The following GRIK4 variants were observed in gnomAD, a reference collection of about 807,000 sequenced individuals.
The protein encoded by GRIK4 is glutamate receptor ionotropic, kainate 4.
Under a neutral mutation model 104.9 loss-of-function variants are expected in GRIK4, and 40 were observed. The ratio of observed to expected loss-of-function variants is 0.38; its 90% CI spans 0.30 to 0.50. The LOEUF (loss-of-function observed/expected upper bound fraction) is 0.50, where lower values mean the gene tolerates loss of function less well. Ranked by LOEUF, GRIK4 falls within the 20% of genes least tolerant of loss-of-function variation. The pLI is 0.93. For synonymous variants in GRIK4, 485 were observed against 524.9 expected (o/e 0.92, Z 1.04); for missense variants, 1,047 against 1,308.1 (o/e 0.80, Z 3.08).
At chr11:120,910,269 A>G (rs1224879314) in intron 13 of GRIK4, among the ~76,000 whole-genome samples, 1 of 152,212 alleles carries the variant, frequency 6.6e-6, no homozygotes, top group Non-Finnish European at 1.5e-5. Flanking sequence ...ACGGCCGTGT[A>G]TTCATTGTGG....
intron 11 of GRIK4, among the ~76,000 whole-genome samples, chr11:120,897,399 C>G (rs542469772): frequency 3.1e-4 from 47 of 151,234 alleles, no homozygotes; most frequent in African/African-American, 1.1e-3. Context: ...CTTTGGGAGG[C>G]CGAGGTGGGT....
intron 1 of GRIK4, among the ~76,000 whole-genome samples, chr11:120,545,993 G>A (rs1438391086): frequency 6.6e-6 from 1 of 152,132 alleles, no homozygotes; most frequent in Non-Finnish European, 1.5e-5. Context: ...TCTGCTTTGT[G>A]GGTTGGTGCC....
chr11:120,845,912 C>T (rs1953840871), intron 8 of GRIK4, among the ~76,000 whole-genome samples: 1 of 152,168 alleles, frequency 6.6e-6, no homozygotes, highest in African/African-American at 2.4e-5. Flanking sequence ...TCTGAGCTGC[C>T]AAGGTACCAC....
intron 13 of GRIK4, among the ~76,000 whole-genome samples, chr11:120,912,289 A>G (rs1354549697): frequency 6.6e-6 from 1 of 152,152 alleles, no homozygotes; most frequent in Non-Finnish European, 1.5e-5. Flanking sequence ...CCTTTTGGAT[A>G]TCTACTTAGA....
In GRIK4 at chr11:120,905,838, C is replaced by G. The variant is rs1942857090; in HGVS notation, c.1476+345C>G. 6.6e-6 allele frequency among the ~76,000 whole-genome samples: 1 copy of G among 152,152 alleles called. No homozygotes were observed. The highest frequency in any genetic ancestry group is 6.5e-5 in the Admixed American group (1 of 15,280). On this transcript the variant is annotated intron_variant, in intron 13 of 20. Coordinates refer to ENST00000527524, the MANE Select transcript of GRIK4 (RefSeq NM_014619.5). The surrounding 1 kb of genome is among the most constrained non-coding windows in gnomAD (Gnocchi z 5.1). ...GGCTCATTAGCACTCCCTAGCAGAG[C>G]TTGAACAGGTCCTGGGAGAAGAGAA...
At chr11:120,600,964 A>C (rs935352828) in intron 1 of GRIK4, among the ~76,000 whole-genome samples, 7 of 152,082 alleles carry the variant, frequency 4.6e-5, no homozygotes, top group Non-Finnish European at 5.9e-5. Flanking sequence ...GCTGAGTGGG[A>C]GGATCACTTG....
At chr11:120,818,610 C>G (rs1312681862) in intron 5 of GRIK4, among the ~76,000 whole-genome samples, 1 of 152,230 alleles carries the variant, frequency 6.6e-6, no homozygotes, top group African/African-American at 2.4e-5. Context: ...ACCTCAGTCT[C>G]AGAGGAGCTC....
chr11:120,535,372 G>C (rs1947963825), intron 1 of GRIK4, among the ~76,000 whole-genome samples: 1 of 151,810 alleles, frequency 6.6e-6, no homozygotes, highest in Non-Finnish European at 1.5e-5. Flanking sequence ...GAGTGTGAAG[G>C]GGGAGGTAAG....
intron 4 of GRIK4, among the ~76,000 whole-genome samples, chr11:120,815,023 C>G (rs567999817): frequency 9.2e-5 from 14 of 152,356 alleles, no homozygotes; most frequent in South Asian, 6.2e-4. Flanking sequence ...CCCCTACCCC[C>G]CTGCAGGCCA....
At chr11:120,810,460 G>A (rs1429055482) in intron 4 of GRIK4, among the ~76,000 whole-genome samples, 2 of 152,192 alleles carry the variant, frequency 1.3e-5, no homozygotes, top group Non-Finnish European at 2.9e-5. Context: ...AATATAGGGA[G>A]GGAGAGATGC....
chr11:120,690,159 C>T (rs1341186981), intron 3 of GRIK4, among the ~76,000 whole-genome samples: 1 of 152,158 alleles, frequency 6.6e-6, no homozygotes, highest in Non-Finnish European at 1.5e-5. Context: ...CTGCTCCCCT[C>T]GTCACTCCAG....
At chr11:120,708,016 G>A (rs1490314627) in intron 3 of GRIK4, among the ~76,000 whole-genome samples, 1 of 152,096 alleles carries the variant, frequency 6.6e-6, no homozygotes, top group Non-Finnish European at 1.5e-5. Flanking sequence ...TCAAGAAGGG[G>A]GATCATAGAT....
intron 1 of GRIK4, among the ~76,000 whole-genome samples, chr11:120,536,214 G>A (rs906167957): frequency 6.6e-6 from 1 of 152,238 alleles, no homozygotes. Flanking sequence ...GCAACAATTC[G>A]AAAGAGTGTA....
At chr11:120,741,274 T>C (rs887004246) in intron 3 of GRIK4, among the ~76,000 whole-genome samples, 3 of 146,412 alleles carry the variant, frequency 2.0e-5, no homozygotes, top group Non-Finnish European at 4.5e-5. Context: ...CCGTGTGCTT[T>C]CTTTTTTTTT....
chr11:120,813,414 G>A (rs541547078), intron 4 of GRIK4, among the ~76,000 whole-genome samples: 1 of 152,278 alleles, frequency 6.6e-6, no homozygotes, highest in East Asian at 1.9e-4. Context: ...TAAGTTGGCT[G>A]AGGTCACATG....
chr11:120,864,936 C>G (rs1283459413), intron 9 of GRIK4, among the ~76,000 whole-genome samples: 1 of 152,184 alleles, frequency 6.6e-6, no homozygotes, highest in Non-Finnish European at 1.5e-5. Context: ...GAGGTAGTGA[C>G]GTAACCCCCG....
chr11:120,556,470 G>A (rs1948186874), intron 1 of GRIK4, among the ~76,000 whole-genome samples: 1 of 152,102 alleles, frequency 6.6e-6, no homozygotes. Flanking sequence ...CATGCATCCG[G>A]GAGGCAGCAC....
intron 7 of GRIK4, among the ~76,000 whole-genome samples, chr11:120,834,580 ACAGGGCCTCT>A (rs1469810708): frequency 1.5e-4 from 23 of 148,542 alleles, no homozygotes; most frequent in Admixed American, 2.0e-4. Flanking sequence ...GGAGGGCACA[ACAGGGCCTCT>A]CAGGGCCTCA....
At chr11:120,790,819 G>A (rs1271195356) in intron 3 of GRIK4, among the ~76,000 whole-genome samples, 1 of 152,160 alleles carries the variant, frequency 6.6e-6, no homozygotes, top group Admixed American at 6.5e-5. Flanking sequence ...TCTTTAGTGG[G>A]TGAGCAGATG....
Sources: gnomAD v4.1 joint callset for allele counts (sites outside exome capture counted in the v4.1 genomes callset) on GRCh38, gnomAD v4.1.1 for gene constraint, Gnocchi (gnomAD v3.1) non-coding constraint, MANE v1.5 for transcripts, NCBI Gene and HGNC (gene_info 2026-07-23, HGNC 2026-07-21) for gene names.